Variants in ATP9A observed in about 807,000 individuals in gnomAD.
The protein encoded by ATP9A is probable phospholipid-transporting ATPase IIA.
In ATP9A, 52 loss-of-function variants were observed where a neutral mutation model predicts 144.1. The observed-to-expected ratio is 0.36, with a 90% CI of 0.29 to 0.45. The LOEUF (loss-of-function observed/expected upper bound fraction) is 0.45. Among genes scored for constraint, ATP9A ranks in the 20% least tolerant of loss-of-function variants. The probability of loss-of-function intolerance (pLI) is 1.00; values close to 1 mark genes in which losing one functional copy is unlikely to be tolerated. For missense variants in ATP9A, 947 were observed against 1,392.7 expected (o/e 0.68, Z 5.09); for synonymous variants, 582 against 557.4 (o/e 1.04, Z -0.62).
At chr20:51,679,004 T>A (rs1047589028) in intron 9 of ATP9A, among the ~76,000 whole-genome samples, 6 of 152,028 alleles carry the variant, frequency 3.9e-5, no homozygotes, top group Admixed American at 3.3e-4. Flanking sequence ...CTGGCCACTT[T>A]TAAATTCAGG....
chr20:51,607,639 A>C, intron 25 of ATP9A, 55 bp from the exon 26 acceptor site: 2 of 1,394,738 alleles, frequency 1.4e-6, no homozygotes, highest in Non-Finnish European at 2.0e-6. Context: ...CTCACGCAGC[A>C]TGCCATCAGC....
intron 4 of ATP9A, among the ~76,000 whole-genome samples, chr20:51,698,875 T>C (rs1487579882): frequency 1.3e-5 from 2 of 152,296 alleles, no homozygotes; most frequent in African/African-American, 2.4e-5. Context: ...AAGGGGCCAG[T>C]TGGGGCCAGG....
chr20:51,752,072 A>G (rs924039116), intron 1 of ATP9A, among the ~76,000 whole-genome samples: 67 of 146,844 alleles, frequency 4.6e-4, no homozygotes, highest in African/African-American at 1.8e-3. Context: ...AAAAACAAGA[A>G]AAAAAAAATA....
intron 22 of ATP9A, among the ~76,000 whole-genome samples, chr20:51,616,645 G>C (rs1361294690): frequency 6.6e-6 from 1 of 152,110 alleles, no homozygotes; most frequent in Non-Finnish European, 1.5e-5. Flanking sequence ...AACAAACTCG[G>C]TGACCCATCT....
At chr20:51,693,785 T>C (rs1261115498) in intron 7 of ATP9A, among the ~76,000 whole-genome samples, 1 of 152,118 alleles carries the variant, frequency 6.6e-6, no homozygotes, top group Non-Finnish European at 1.5e-5. Flanking sequence ...CAAGGCTCCT[T>C]ATGGTTTTTA....
intron 4 of ATP9A, among the ~76,000 whole-genome samples, chr20:51,702,365 C>CGTGTGTGTTCGT (rs2077597564): frequency 7.7e-6 from 1 of 130,220 alleles, no homozygotes; most frequent in South Asian, 2.6e-4. Flanking sequence ...TGTGTGTGTT[C>CGTGTGTGTTCGT]GTGTGTGTGT....
rs377242199 is a variant in ATP9A at position 51,768,259 on chromosome 20, G to C, written c.68+43C>G. On this transcript the variant is annotated intron_variant, in intron 1 of 27. Coordinates refer to ENST00000338821, the MANE Select transcript of ATP9A (RefSeq NM_006045.3). ...CAGGCTGGCCCGAGCGCCGGGCTCC[G>C]GGAGGCGCGGACAAAGGAAAACACG... The C allele has an allele frequency of 3.6e-4, 433 of 1,207,258 alleles. 3 individuals are homozygous for C. In the African/African-American group the frequency reaches 4.8e-3, roughly 13 times the overall value. The allele number at this position is 1,207,258 out of a possible 1,614,324, so 74.8% of individuals were successfully genotyped here.
At chr20:51,693,891 TC>T in intron 7 of ATP9A, 116 bp downstream of exon 7, 1 of 868,158 alleles carries the variant, frequency 1.2e-6, no homozygotes, top group Non-Finnish European at 1.8e-6. Context: ...GACCCCACGC[TC>T]CCCTACTGGC....
At chr20:51,659,068 T>G (rs1240383717) in intron 13 of ATP9A, among the ~76,000 whole-genome samples, 2 of 152,178 alleles carry the variant, frequency 1.3e-5, no homozygotes, top group East Asian at 3.9e-4. Context: ...TGAGGGCCTC[T>G]GCACTTGCTG....
Position 51,731,229 on chromosome 20 carries a change from A to G in ATP9A, c.69-1251T>C, listed in dbSNP as rs375636970. On this transcript the variant is annotated intron_variant, in intron 1 of 27. Transcript: ENST00000338821. ...TGAGGCAGGAGAATCGCTTGAACCCAGTAGGCGGAGGTTGCAGTGAGCTAT... is the reference window on the plus strand; with the variant it reads ...TGAGGCAGGAGAATCGCTTGAACCCGGTAGGCGGAGGTTGCAGTGAGCTAT... 1.3e-4 allele frequency among the ~76,000 whole-genome samples: 20 copies of G among 151,266 alleles called. No homozygotes were observed. The East Asian group carries it at 3.6e-3, about 27-fold the overall frequency.
chr20:51,609,690 AGGATG>A (rs2077177866), intron 24 of ATP9A, among the ~76,000 whole-genome samples: 1 of 152,200 alleles, frequency 6.6e-6, no homozygotes, highest in Non-Finnish European at 1.5e-5. Flanking sequence ...TGGAGCTCCA[AGGATG>A]GGACTTCTAC....
At chr20:51,723,716 C>A (rs1052524847) in intron 3 of ATP9A, among the ~76,000 whole-genome samples, 1 of 151,660 alleles carries the variant, frequency 6.6e-6, no homozygotes, top group Non-Finnish European at 1.5e-5. Context: ...GCCACCAAGC[C>A]CAGCTAATTT....
In ATP9A at chr20:51,734,917, T is replaced by C. The variant is rs138783838; in HGVS notation, c.69-4939A>G. 3.7e-5 allele frequency: 8 copies of C among 214,802 alleles called. No homozygotes were observed. In the East Asian group the frequency reaches 8.7e-4, roughly 23 times the overall value. 13.3% of individuals were successfully genotyped at this position (214,802 alleles called of 1,614,324 possible). A position where few individuals can be genotyped will look rare whatever the true frequency, so the allele number is the denominator to read the frequency against. On this transcript the variant is annotated intron_variant, in intron 1 of 27. Coordinates refer to ENST00000338821, the MANE Select transcript of ATP9A (RefSeq NM_006045.3). Reference sequence around the variant, plus strand: ...CTTGCCTACATTGCCCACTCCAAACTTGGGACGCATGCTCATGCCCGCACT... The same window carrying C: ...CTTGCCTACATTGCCCACTCCAAACCTGGGACGCATGCTCATGCCCGCACT...
intron 9 of ATP9A, among the ~76,000 whole-genome samples, chr20:51,686,497 A>G (rs1568820301): frequency 1.3e-5 from 2 of 152,238 alleles, no homozygotes; most frequent in African/African-American, 2.4e-5. Context: ...ACAAAAAGTG[A>G]AAGTTTGATA....
At chr20:51,705,727 G>C (rs974443912) in intron 4 of ATP9A, among the ~76,000 whole-genome samples, 2 of 152,062 alleles carry the variant, frequency 1.3e-5, no homozygotes, top group African/African-American at 4.8e-5. Flanking sequence ...TGTGATAATC[G>C]AGGCAACCCC....
In ATP9A at chr20:51,605,037, AG is replaced by A. The variant is rs751275345; in HGVS notation, c.2804-18del. On this transcript the variant is annotated intron_variant, in intron 26 of 27. Transcript: ENST00000338821. ...TGGTGCTCCCTGCAAACACCAGAGA[AG>A]GGTATTCCCCTCACCCTCCCTGCGA... 6.3e-7 allele frequency: 1 copy of A among 1,587,052 alleles called. No individual in the cohort carries two copies. The highest frequency in any genetic ancestry group is 8.6e-7 in the Non-Finnish European group (1 of 1,165,690).
At chr20:51,675,889 A>G (rs1469578302) in intron 10 of ATP9A, among the ~76,000 whole-genome samples, 8 of 141,846 alleles carry the variant, frequency 5.6e-5, no homozygotes, top group Admixed American at 4.1e-4. Flanking sequence ...CAAAAAAAGA[A>G]AAAAAAAAAA....
At chr20:51,647,603 G>A (rs1383395119) in intron 14 of ATP9A, among the ~76,000 whole-genome samples, 2 of 151,840 alleles carry the variant, frequency 1.3e-5, no homozygotes, top group Non-Finnish European at 2.9e-5. Context: ...GGTGGCATAT[G>A]CCTATAGTCC....
At chr20:51,709,004 A>C (rs892793095) in intron 4 of ATP9A, among the ~76,000 whole-genome samples, 3 of 152,188 alleles carry the variant, frequency 2.0e-5, no homozygotes, top group African/African-American at 7.2e-5. Flanking sequence ...AAATAGCAAA[A>C]TTTTAAAAAG....
Sources: allele counts gnomAD v4.1 joint callset (sites outside exome capture counted in the v4.1 genomes callset), GRCh38; gene constraint gnomAD v4.1.1; transcripts MANE v1.5; gene names NCBI Gene and HGNC (gene_info 2026-07-23, HGNC 2026-07-21).